CDH18: variants seen among roughly 807,000 people sequenced by gnomAD.
The protein encoded by CDH18 is cadherin 18.
In CDH18, 31 loss-of-function variants were observed where a neutral mutation model predicts 67.9. The ratio of observed to expected loss-of-function variants is 0.46; its 90% CI spans 0.34 to 0.62. CDH18 has a LOEUF of 0.62. CDH18 is among the 20% of genes least tolerant of loss of function. CDH18 has a pLI of 0.01. For missense variants in CDH18, 890 were observed against 975.5 expected (o/e 0.91, Z 1.17); for synonymous variants, 362 against 347.2 (o/e 1.04, Z -0.48).
chr5:19,566,820 T>A (rs1740487534), intron 8 of CDH18, among the ~76,000 whole-genome samples: 1 of 152,102 alleles, frequency 6.6e-6, no homozygotes, highest in Non-Finnish European at 1.5e-5. Context: ...CAGCCAAGAT[T>A]TGAAAGCAAC....
chr5:20,412,875 AC>A (rs1201014557), intron 1 of CDH18, among the ~76,000 whole-genome samples: 1 of 152,210 alleles, frequency 6.6e-6, no homozygotes, highest in Non-Finnish European at 1.5e-5. Context: ...CAGGTTTGTC[AC>A]ATATGTATAC....
At chr5:19,989,453 C>T (rs532428746), upstream of CDH18, among the ~76,000 whole-genome samples, 1 of 152,128 alleles carries the variant, frequency 6.6e-6, no homozygotes, top group Admixed American at 6.6e-5. Context: ...ACATGTGAAC[C>T]TGTGTAAGCT....
At chr5:20,079,357 C>T (rs941775857) in intron 2 of CDH18, among the ~76,000 whole-genome samples, 2 of 152,110 alleles carry the variant, frequency 1.3e-5, no homozygotes, top group African/African-American at 4.8e-5. Context: ...CCTATGTCTT[C>T]TAGGTTCATC....
At chr5:19,835,117 A>C (rs946852815) in intron 3 of CDH18, among the ~76,000 whole-genome samples, 1 of 152,200 alleles carries the variant, frequency 6.6e-6, no homozygotes, top group Non-Finnish European at 1.5e-5. Context: ...ACATGGAACC[A>C]ACCCAAATGC....
chr5:20,069,890 C>A (rs902605702), intron 2 of CDH18, among the ~76,000 whole-genome samples: 4 of 152,016 alleles, frequency 2.6e-5, no homozygotes, highest in Middle Eastern at 3.2e-3. Flanking sequence ...ATATTGACAC[C>A]GAAATGATCA....
At chr5:19,618,715 C>A (rs1750231353) in intron 5 of CDH18, among the ~76,000 whole-genome samples, 1 of 152,092 alleles carries the variant, frequency 6.6e-6, no homozygotes, top group Non-Finnish European at 1.5e-5. Context: ...GGGTCCCAGG[C>A]ATAAGTTTTG....
At chr5:20,429,966 C>G (rs970920471) in intron 1 of CDH18, among the ~76,000 whole-genome samples, 3 of 152,114 alleles carry the variant, frequency 2.0e-5, no homozygotes, top group Non-Finnish European at 4.4e-5. Flanking sequence ...AAGTATTTCC[C>G]AGGAAGCTTC....
chr5:20,239,555 T>G (rs928387472), intron 2 of CDH18, among the ~76,000 whole-genome samples: 7 of 152,184 alleles, frequency 4.6e-5, no homozygotes, highest in African/African-American at 1.7e-4. Flanking sequence ...GAAAGGATTA[T>G]GAAAGAAGGA....
intron 1 of CDH18, among the ~76,000 whole-genome samples, chr5:20,439,392 A>G (rs937667772): frequency 2.0e-5 from 3 of 151,620 alleles, no homozygotes; most frequent in Middle Eastern, 3.2e-3. Flanking sequence ...AGGTCCTCTG[A>G]AATGAGAGTT....
intron 2 of CDH18, among the ~76,000 whole-genome samples, chr5:19,954,510 G>T (rs940480019): frequency 1.8e-4 from 27 of 151,934 alleles, no homozygotes; most frequent in African/African-American, 6.0e-4. Context: ...ATAGCCCAAT[G>T]AAATTACAGA....
chr5:20,115,263 G>A lies in CDH18; in HGVS notation c.-517-123249C>T, dbSNP rs561853955. Reference sequence around the variant, plus strand: ...ACCATCATGGGGCTCCACTCTCAGGGCCTCATCTTTTTTTTTTTTTTTTTT... The same window carrying A: ...ACCATCATGGGGCTCCACTCTCAGGACCTCATCTTTTTTTTTTTTTTTTTT... On this transcript the variant is annotated intron_variant, in intron 2 of 14. Coordinates refer to the CDH18 transcript ENST00000507958. Among the ~76,000 whole-genome samples, 28 of 122,928 alleles carry A rather than the reference G, an allele frequency of 2.3e-4. 1 individual carries two copies. Among genetic ancestry groups the A allele is most frequent in the Middle Eastern group, 5.9e-3 (1 of 170 alleles). The allele number at this position is 122,928 out of a possible 152,430, so 80.6% of individuals were successfully genotyped here. A position where few individuals can be genotyped will look rare whatever the true frequency, so the allele number is the denominator to read the frequency against.
chr5:20,387,317 C>A (rs1159864521), intron 1 of CDH18, among the ~76,000 whole-genome samples: 1 of 152,050 alleles, frequency 6.6e-6, no homozygotes, highest in Non-Finnish European at 1.5e-5. Context: ...GTATTTTATT[C>A]TCTTTGAAGC....
intron 3 of CDH18, among the ~76,000 whole-genome samples, chr5:19,797,232 G>A (rs958505179): frequency 1.1e-4 from 16 of 151,656 alleles, no homozygotes; most frequent in African/African-American, 2.2e-4. Context: ...ATAAAAGTAG[G>A]AATGATTGAA....
intron 5 of CDH18, among the ~76,000 whole-genome samples, chr5:19,616,716 G>A (rs191407359): frequency 1.3e-5 from 2 of 152,200 alleles, no homozygotes; most frequent in South Asian, 2.1e-4. Flanking sequence ...ATCTCTTCAG[G>A]CTGCCAGAAC....
chr5:19,546,919 T>C (rs1199922950), intron 8 of CDH18, among the ~76,000 whole-genome samples: 1 of 152,128 alleles, frequency 6.6e-6, no homozygotes, highest in African/African-American at 2.4e-5. Context: ...AATAAGTATA[T>C]GTTAATTGAA....
chr5:19,767,869 G>T (rs1163734302), intron 3 of CDH18, among the ~76,000 whole-genome samples: 1 of 152,164 alleles, frequency 6.6e-6, no homozygotes, highest in East Asian at 1.9e-4. Flanking sequence ...ATGTATAGAA[G>T]AAAAATGTAT....
intron 2 of CDH18, among the ~76,000 whole-genome samples, chr5:20,078,981 A>T (rs923433955): frequency 6.6e-6 from 1 of 152,214 alleles, no homozygotes; most frequent in African/African-American, 2.4e-5. Context: ...GTACAATGTG[A>T]TGTTTTGAAA....
At chr5:19,642,943 A>AAT (rs1561528860) in intron 5 of CDH18, among the ~76,000 whole-genome samples, 1 of 152,154 alleles carries the variant, frequency 6.6e-6, no homozygotes. Context: ...TAATATCCAA[A>AAT]ATATATACAG....
At chr5:20,035,552 T>A (rs1739778184) in intron 2 of CDH18, among the ~76,000 whole-genome samples, 1 of 151,856 alleles carries the variant, frequency 6.6e-6, no homozygotes, top group South Asian at 2.1e-4. Flanking sequence ...GAGTGAAAAG[T>A]CCAGGGGAAA....
Sources: gnomAD v4.1 joint callset for allele counts (sites outside exome capture counted in the v4.1 genomes callset) on GRCh38, gnomAD v4.1.1 for gene constraint, MANE v1.5 for transcripts, NCBI Gene and HGNC (gene_info 2026-07-23, HGNC 2026-07-21) for gene names.